PHYKPL: variants seen among roughly 807,000 people sequenced by gnomAD.
PHYKPL encodes 5-phosphonooxy-L-lysine phospho-lyase.
Under a neutral mutation model 51.3 loss-of-function variants are expected in PHYKPL, and 42 were observed. That is an observed-to-expected ratio of 0.82 (90% confidence interval 0.64 to 1.06). The LOEUF (loss-of-function observed/expected upper bound fraction) is 1.06. PHYKPL is among the 50% of genes least tolerant of loss of function. The pLI, the probability that PHYKPL is intolerant of heterozygous loss-of-function variation, is 0.00. For missense variants in PHYKPL, 655 were observed against 586.6 expected (o/e 1.12, Z -1.20); for synonymous variants, 264 against 236.0 (o/e 1.12, Z -1.09).
chr5:178,219,988 G>A (rs1760807993), intron 8 of PHYKPL, among the ~76,000 whole-genome samples: 1 of 151,370 alleles, frequency 6.6e-6, no homozygotes, highest in East Asian at 2.0e-4. Context: ...GAGCTCAGGA[G>A]TTTGAGACCA....
chr5:178,231,507 A>T lies in PHYKPL; in HGVS notation c.76T>A (p.Phe26Ile). The T allele has an allele frequency of 6.2e-7, 1 of 1,614,172 alleles. No homozygotes were observed. The highest frequency in any genetic ancestry group is 2.2e-5 in the East Asian group (1 of 44,882). ...ATCTTAACAGGATCCTCGGGAAAAAAGAGTCTGCAGGAAGAGCTGTGGGGA... is the reference window on the plus strand; with the variant it reads ...ATCTTAACAGGATCCTCGGGAAAAATGAGTCTGCAGGAAGAGCTGTGGGGA... The part of the protein sequence containing the change: ...QRLISSSCRL[F>I]FPEDPVKIVR... The change falls in exon 2 of 13, where the codon TTT (phenylalanine) becomes ATT (isoleucine). Residue 26 changes from phenylalanine (F) to isoleucine (I), a missense_variant. Phe to Ile is a conservative substitution (Grantham distance 21). Coordinates refer to ENST00000308158, the MANE Select transcript of PHYKPL (RefSeq NM_153373.4).
chr5:178,210,145 TTGGAATCAGGGCTACGGCAACTAC>T (rs752007225), intron 12 of PHYKPL: 16 of 1,613,958 alleles, frequency 9.9e-6, no homozygotes, highest in Admixed American at 1.7e-5. Flanking sequence ...AGAGTCAGAG[TTGGAATCAGGGCTACGGCAACTAC>T]TGGAACCAGG....
rs1300623666 is a variant in PHYKPL at position 178,229,993 on chromosome 5, C to T, written c.285G>A (p.Arg95=). Residue 95 remains arginine, a synonymous_variant, in exon 3 of 13, where the codon AGG becomes AGA. Transcript: ENST00000308158. ...LHDNIVDYAQ[R]LSETLPEQLC... is the part of the protein sequence containing the mutation. ...GCTGCTCCGGCAGGGTCTCTGACAGCCTCTGCGCATAGTCCACGATGTTGT... is the reference window on the plus strand; with the variant it reads ...GCTGCTCCGGCAGGGTCTCTGACAGTCTCTGCGCATAGTCCACGATGTTGT... 2 of 1,614,256 alleles carry T rather than the reference C, an allele frequency of 1.2e-6. No individual in the cohort carries two copies. The highest frequency in any genetic ancestry group is 1.7e-6 in the Non-Finnish European group (2 of 1,180,038).
chr5:178,230,911 TAG>T (rs1763262980), intron 2 of PHYKPL: 1 of 156,314 alleles, frequency 6.4e-6, no homozygotes, highest in African/African-American at 2.4e-5. Context: ...AGTCTAAGAC[TAG>T]AGTCTCTGCT....
In PHYKPL at chr5:178,232,556, G is replaced by C; in HGVS notation, c.-6C>G. ...GGGCGCTGGTCTGCGGCCATGGTGG[G>C]TGGCCGTCAGTCGGTGCCGTGACGC... On this transcript the variant is annotated 5_prime_UTR_variant, in exon 1 of 13. Transcript: ENST00000308158. 1.6e-6 allele frequency: 2 copies of C among 1,285,476 alleles called. No individual in the cohort carries two copies. Among genetic ancestry groups the C allele is most frequent in the Non-Finnish European group, 2.0e-6 (2 of 1,019,850 alleles). 79.6% of individuals were successfully genotyped at this position (1,285,476 alleles called of 1,614,324 possible).
intron 7 of PHYKPL, 110 bp from the exon 8 acceptor site, chr5:178,222,690 A>G: frequency 7.3e-7 from 1 of 1,369,140 alleles, no homozygotes; most frequent in East Asian, 2.4e-5. Context: ...TAAGGTGGGG[A>G]CCTTGGGCAA....
chr5:178,224,378 A>G, intron 6 of PHYKPL, 70 bp downstream of exon 6: 2 of 1,440,838 alleles, frequency 1.4e-6, no homozygotes, highest in Non-Finnish European at 1.9e-6. Flanking sequence ...CCCAGCATCT[A>G]GCACAGTGGC....
At chr5:178,227,799 C>T (rs767394628) in intron 3 of PHYKPL, among the ~76,000 whole-genome samples, 2 of 152,198 alleles carry the variant, frequency 1.3e-5, no homozygotes, top group East Asian at 1.9e-4. Flanking sequence ...AGGAGAAGAC[C>T]AAGGAGGAGG....
rs148354924 is a variant in PHYKPL, at chr5:178,211,956, C to A, written c.1318G>T (p.Val440Leu). 337 of 1,614,194 alleles carry A rather than the reference C, an allele frequency of 2.1e-4. 1 individual carries two copies. In the African/African-American group the frequency reaches 4.2e-3, roughly 20 times the overall value. The change falls in exon 12 of 13, where the codon GTG becomes TTG. Residue 440 changes from valine to leucine, a missense_variant. By Grantham distance (32) the Val-to-Leu change is conservative. Transcript: ENST00000308158. ...AGCCTCAGCGTTTCACAACTTCTCA[C>A]CTTCTCTTCCATGTCTGAAAAAGAC... Reference protein sequence around the residue: ...DAILTDMEEKVRSCETLRLQP With the variant: ...DAILTDMEEKLRSCETLRLQP
intron 10 of PHYKPL, 133 bp from the exon 11 acceptor site, chr5:178,213,236 G>C (rs960363938): frequency 8.2e-7 from 1 of 1,226,988 alleles, no homozygotes; most frequent in African/African-American, 1.5e-5. Flanking sequence ...TCATTTTACT[G>C]GTCACCTCTC....
chr5:178,224,292 A>T, intron 6 of PHYKPL, 156 bp downstream of exon 6: 2 of 810,720 alleles, frequency 2.5e-6, no homozygotes, highest in Non-Finnish European at 3.8e-6. Context: ...GTGCACTCAG[A>T]CTCTCTGCTG....
At chr5:178,228,503 A>C in intron 3 of PHYKPL, 1 of 702,206 alleles carries the variant, frequency 1.4e-6, no homozygotes, top group Non-Finnish European at 2.6e-6. Flanking sequence ...AGGAAGCACC[A>C]GCTCCCTTCT....
chr5:178,214,238 A>C (rs1173104465), intron 10 of PHYKPL, among the ~76,000 whole-genome samples: 1 of 152,192 alleles, frequency 6.6e-6, no homozygotes, highest in Non-Finnish European at 1.5e-5. Flanking sequence ...CAATTCAACT[A>C]GAAGGAGAAG....
At position 178,232,801 on chromosome 5, in the gene PHYKPL, C is replaced by T. The variant is rs1334309630; in HGVS notation, c.-251G>A. 2 of 341,708 alleles carry T rather than the reference C, an allele frequency of 5.9e-6. No individual in the cohort carries two copies. Among genetic ancestry groups the T allele is most frequent in the Middle Eastern group, 8.1e-4 (1 of 1,242 alleles). The allele number at this position is 341,708 out of a possible 1,614,324, so 21.2% of individuals were successfully genotyped here. ...CGCAGGAACTCGAGCGCTGCCCCGT[C>T]TCTGGTTCCGGGACGCGCCCCGGGC... On this transcript the variant is annotated 5_prime_UTR_variant, in exon 1 of 13. Transcript: ENST00000308158.
At chr5:178,213,727 T>C (rs1332355809) in intron 10 of PHYKPL, among the ~76,000 whole-genome samples, 2 of 152,244 alleles carry the variant, frequency 1.3e-5, no homozygotes, top group African/African-American at 4.8e-5. Context: ...TTTGTAAACC[T>C]TGTTATTTTT....
intron 12 of PHYKPL, chr5:178,211,177 T>C (rs137919041): frequency 0.012 from 1,827 of 149,498 alleles, 37 homozygotes; most frequent in African/African-American, 0.044. Flanking sequence ...TGGGTGAGTG[T>C]GGGATATGCT....
rs573993898 is a variant in PHYKPL at position 178,232,603 on chromosome 5, G to A, written c.-53C>T. ...ACGCCACGCGGAGACGTCGCCGCGC[G>A]GGCTGGGCCTCCAAGGCCCCGCTCC... On this transcript the variant is annotated 5_prime_UTR_variant, in exon 1 of 13. Coordinates refer to ENST00000308158, the MANE Select transcript of PHYKPL (RefSeq NM_153373.4). The A allele has an allele frequency of 3.8e-3, 4,802 of 1,248,294 alleles. 24 individuals are homozygous for A. The highest frequency in any genetic ancestry group is 4.4e-3 in the Non-Finnish European group (4,402 of 997,554). The allele number at this position is 1,248,294 out of a possible 1,614,324, so 77.3% of individuals were successfully genotyped here. A position where few individuals can be genotyped will look rare whatever the true frequency, so the allele number is the denominator to read the frequency against.
chr5:178,230,359 CT>C (rs34227825), intron 2 of PHYKPL: 79,032 of 316,092 alleles, frequency 0.25, 2,203 homozygotes, highest in Non-Finnish European at 0.28. Flanking sequence ...TTAAGGAGGA[CT>C]TTTTTTTTTT....
chr5:178,227,367 TA>T (rs1214203439), intron 3 of PHYKPL, among the ~76,000 whole-genome samples: 1 of 152,032 alleles, frequency 6.6e-6, no homozygotes, highest in Non-Finnish European at 1.5e-5. Flanking sequence ...TGTGAGAAAA[TA>T]AATGTCTTTT....
Sources: allele counts gnomAD v4.1 joint callset (sites outside exome capture counted in the v4.1 genomes callset), GRCh38; gene constraint gnomAD v4.1.1; transcripts MANE v1.5; gene names NCBI Gene and HGNC (gene_info 2026-07-23, HGNC 2026-07-21).